The following ARNT2 variants were observed in gnomAD, a reference collection of about 807,000 sequenced individuals.
ARNT2 encodes ARNT protein 2.
A neutral mutation model predicts 91.7 loss-of-function variants in ARNT2; 36 were observed. The ratio of observed to expected loss-of-function variants is 0.39; its 90% CI spans 0.30 to 0.52. The LOEUF (loss-of-function observed/expected upper bound fraction) is 0.52, where lower values mean the gene tolerates loss of function less well. ARNT2 is among the 20% of genes least tolerant of loss of function. ARNT2 has a pLI of 0.72. For synonymous variants in ARNT2, 365 were observed against 347.1 expected, an observed-to-expected ratio of 1.05 and a Z score of -0.57; for missense variants, 775 against 939.3, an observed-to-expected ratio of 0.83 and a Z score of 2.29.
intron 1 of ARNT2, among the ~76,000 whole-genome samples, chr15:80,446,390 C>T (rs539844889): frequency 9.2e-5 from 14 of 152,264 alleles, no homozygotes; most frequent in Admixed American, 5.9e-4. Context: ...CAATAGCTTG[C>T]GCACGGACCC....
At chr15:80,559,375 C>A (rs1290206056) in intron 11 of ARNT2, among the ~76,000 whole-genome samples, 1 of 152,182 alleles carries the variant, frequency 6.6e-6, no homozygotes, top group African/African-American at 2.4e-5. Flanking sequence ...GGGCAGCGGC[C>A]AAGCAGCCAC....
At chr15:80,525,442 C>T (rs988950376) in intron 8 of ARNT2, among the ~76,000 whole-genome samples, 2 of 151,994 alleles carry the variant, frequency 1.3e-5, no homozygotes, top group Non-Finnish European at 2.9e-5. Flanking sequence ...AAGAGGCATG[C>T]TTTGTTCATC....
At chr15:80,495,002 C>A (rs541621668) in intron 5 of ARNT2, among the ~76,000 whole-genome samples, 1 of 152,124 alleles carries the variant, frequency 6.6e-6, no homozygotes, top group Non-Finnish European at 1.5e-5. Context: ...GACTGCTTGG[C>A]GGAAAGGCTC....
At chr15:80,511,808 A>C (rs1595992205) in intron 6 of ARNT2, among the ~76,000 whole-genome samples, 1 of 152,058 alleles carries the variant, frequency 6.6e-6, no homozygotes. Flanking sequence ...GGCAGGTGGG[A>C]GGGGAAGAAG....
intron 11 of ARNT2, among the ~76,000 whole-genome samples, chr15:80,558,796 T>C (rs1471575943): frequency 1.3e-5 from 2 of 152,190 alleles, no homozygotes; most frequent in Admixed American, 1.3e-4. Context: ...TGTAAGGGGA[T>C]GTGTTTTTGT....
At chr15:80,428,388 C>T (rs541066076) in intron 1 of ARNT2, among the ~76,000 whole-genome samples, 4 of 152,334 alleles carry the variant, frequency 2.6e-5, no homozygotes, top group African/African-American at 9.6e-5. Context: ...GACTGTTACC[C>T]AGTTCCATGG....
At chr15:80,590,742 G>T (rs139737714) in intron 17 of ARNT2, among the ~76,000 whole-genome samples, 499 of 152,290 alleles carry the variant, frequency 3.3e-3, no homozygotes, top group Non-Finnish European at 5.2e-3. Flanking sequence ...ACTCTTTCTC[G>T]TATGTAAAAA....
rs765709741 is a variant in ARNT2 at position 80,461,240 on chromosome 15, C to A, written c.194+3264C>A. 2.9e-4 allele frequency among the ~76,000 whole-genome samples: 44 copies of A among 152,214 alleles called. 1 individual carries two copies. The highest frequency in any genetic ancestry group is 5.7e-4 in the Non-Finnish European group (39 of 68,046). ...AGTGCAATTTCCCTCCAGCAATACC[C>A]AACGGTGTGGATACAGGGAATGGAG... On this transcript the variant is annotated intron_variant, in intron 3 of 18. Coordinates refer to ENST00000303329, the MANE Select transcript of ARNT2 (RefSeq NM_014862.4).
At chr15:80,452,284 G>A (rs1340059277) in intron 2 of ARNT2, among the ~76,000 whole-genome samples, 2 of 152,176 alleles carry the variant, frequency 1.3e-5, no homozygotes, top group East Asian at 1.9e-4. Context: ...ACTTGCACTC[G>A]CTGGGTGCTG....
intron 8 of ARNT2, among the ~76,000 whole-genome samples, chr15:80,536,153 C>CAT (rs1897819874): frequency 6.6e-6 from 1 of 152,190 alleles, no homozygotes; most frequent in Non-Finnish European, 1.5e-5. Context: ...CACAGAGGCA[C>CAT]GTGGAGTGAG....
At chr15:80,449,804 C>T (rs772349447) in intron 1 of ARNT2, among the ~76,000 whole-genome samples, 19 of 152,182 alleles carry the variant, frequency 1.2e-4, no homozygotes, top group Non-Finnish European at 2.1e-4. Flanking sequence ...CCTACACCAA[C>T]CATGCACTGT....
intron 8 of ARNT2, among the ~76,000 whole-genome samples, chr15:80,535,217 G>A (rs1278385807): frequency 7.0e-6 from 1 of 142,404 alleles, no homozygotes; most frequent in Non-Finnish European, 1.6e-5. Context: ...AACATAGTTA[G>A]TTGTTTACAT....
At chr15:80,457,706 C>T (rs190753437) in intron 2 of ARNT2, among the ~76,000 whole-genome samples, 12 of 152,316 alleles carry the variant, frequency 7.9e-5, no homozygotes, top group Admixed American at 3.9e-4. Context: ...ATATTCCCAG[C>T]CATAGAATTA....
At chr15:80,561,279 C>T (rs1898343490) in intron 11 of ARNT2, among the ~76,000 whole-genome samples, 1 of 152,110 alleles carries the variant, frequency 6.6e-6, no homozygotes, top group Admixed American at 6.5e-5. Flanking sequence ...GTTGGCAAAC[C>T]CGACTGCCAT....
intron 15 of ARNT2, among the ~76,000 whole-genome samples, chr15:80,577,466 C>G (rs1393698395): frequency 1.3e-5 from 2 of 152,220 alleles, no homozygotes; most frequent in Admixed American, 1.3e-4. Flanking sequence ...TGGTAGGTCA[C>G]TGAGGAAGCC....
chr15:80,596,016 G>A lies in ARNT2; in HGVS notation c.*2318G>A, dbSNP rs2071840818. On this transcript the variant is annotated 3_prime_UTR_variant, in exon 19 of 19. Coordinates refer to ENST00000303329, the MANE Select transcript of ARNT2 (RefSeq NM_014862.4). ...GTCTTATGTTTGTTTTGCCTCTTCT[G>A]TTTCTTGGAGGAGAGTTGAGGCTTT... The A allele has an allele frequency of 6.6e-6, 1 of 152,222 alleles. No individual in the cohort carries two copies. The highest frequency in any genetic ancestry group is 6.5e-5 in the Admixed American group (1 of 15,282). 9.4% of individuals were successfully genotyped at this position (152,222 alleles called of 1,614,324 possible).
chr15:80,515,870 CTTTT>C (rs984547948), intron 8 of ARNT2, among the ~76,000 whole-genome samples: 3 of 129,926 alleles, frequency 2.3e-5, no homozygotes, highest in Admixed American at 1.6e-4. Context: ...ATGAAGTATT[CTTTT>C]TTTTTTTTTT....
At chr15:80,533,675 A>C (rs920327497) in intron 8 of ARNT2, among the ~76,000 whole-genome samples, 6 of 152,254 alleles carry the variant, frequency 3.9e-5, no homozygotes, top group African/African-American at 1.4e-4. Flanking sequence ...ATGAAATTCC[A>C]CAGCTAAGGC....
At chr15:80,588,374 C>T (rs758373237) in intron 17 of ARNT2, among the ~76,000 whole-genome samples, 1 of 151,988 alleles carries the variant, frequency 6.6e-6, no homozygotes, top group Non-Finnish European at 1.5e-5. Flanking sequence ...CCTCTGGCTC[C>T]TTCCCTCTCC....
Sources: allele counts gnomAD v4.1 joint callset (sites outside exome capture counted in the v4.1 genomes callset), GRCh38; gene constraint gnomAD v4.1.1; transcripts MANE v1.5; gene names NCBI Gene and HGNC (gene_info 2026-07-23, HGNC 2026-07-21).